The following GPR107 variants were observed in gnomAD, a reference collection of about 807,000 sequenced individuals.
The protein encoded by GPR107 is G protein-coupled receptor 107.
Under a neutral mutation model 75.5 loss-of-function variants are expected in GPR107, and 31 were observed. The ratio of observed to expected loss-of-function variants is 0.41; its 90% confidence interval spans 0.31 to 0.55. The LOEUF is 0.55. Among genes scored for constraint, GPR107 ranks in the 20% least tolerant of loss-of-function variants. The probability of loss-of-function intolerance (pLI) is 0.26; values close to 1 mark genes in which losing one functional copy is unlikely to be tolerated. For synonymous variants in GPR107, 267 were observed against 251.3 expected, an observed-to-expected ratio of 1.06 and a Z score of -0.59; for missense variants, 572 against 665.7, an observed-to-expected ratio of 0.86 and a Z score of 1.55.
chr9:130,072,053 C>T (rs955830725), intron 1 of GPR107, among the ~76,000 whole-genome samples: 2 of 151,874 alleles, frequency 1.3e-5, no homozygotes, highest in East Asian at 3.9e-4. Flanking sequence ...CTCCCTGCAG[C>T]CTCTGCCTCC....
In GPR107 at chr9:130,135,373, G is replaced by C. The variant is rs1223692977; in HGVS notation, c.*252G>C. The stretch of plus-strand genomic sequence containing the variant: ...GAGGGCGGGCACAGGGAGGAGGAGA[G>C]GAAGAGAAAAGGAAGAATTCATTTT... On this transcript the variant is annotated 3_prime_UTR_variant, in exon 18 of 18. Transcript: ENST00000347136. 7.0e-6 allele frequency: 3 copies of C among 427,412 alleles called. No individual in the cohort carries two copies. Among genetic ancestry groups the C allele is most frequent in the African/African-American group, 2.1e-5 (1 of 48,530 alleles). The allele number at this position is 427,412 out of a possible 1,614,324, so 26.5% of individuals were successfully genotyped here.
Position 130,075,806 on chromosome 9 carries a change from G to A in GPR107, c.255+57G>A, listed in dbSNP as rs542050903. 9.6e-5 allele frequency: 73 copies of A among 760,086 alleles called. No homozygotes were observed. The South Asian group carries it at 1.1e-3, about 11-fold the overall frequency. 47.1% of individuals were successfully genotyped at this position (760,086 alleles called of 1,614,324 possible). On this transcript the variant is annotated intron_variant, in intron 2 of 17. Transcript: ENST00000347136. ...ACTCTTTTTTTTTTTTTTTTGAGATGGAGTCTTGCTCTGTCACCCAGGCTG... is the reference window on the plus strand; with the variant it reads ...ACTCTTTTTTTTTTTTTTTTGAGATAGAGTCTTGCTCTGTCACCCAGGCTG...
intron 1 of GPR107, among the ~76,000 whole-genome samples, chr9:130,072,850 G>A (rs1012094819): frequency 1.3e-5 from 2 of 152,078 alleles, no homozygotes; most frequent in African/African-American, 2.4e-5. Context: ...CTGCTGCAAA[G>A]CAGCTTCATG....
chr9:130,131,254 C>T (rs1831820711), intron 17 of GPR107, among the ~76,000 whole-genome samples: 1 of 152,152 alleles, frequency 6.6e-6, no homozygotes, highest in South Asian at 2.1e-4. Context: ...AGGACCGTTG[C>T]GGGCGCCCTG....
intron 15 of GPR107, among the ~76,000 whole-genome samples, chr9:130,127,158 C>A (rs1429157643): frequency 1.3e-5 from 2 of 152,116 alleles, no homozygotes; most frequent in African/African-American, 4.8e-5. Flanking sequence ...GAAATAAAAT[C>A]TTTGGAGATT....
chr9:130,106,917 T>C, intron 13 of GPR107, among the ~76,000 whole-genome samples: 1 of 152,152 alleles, frequency 6.6e-6, no homozygotes, highest in East Asian at 1.9e-4. Flanking sequence ...ACCTCTCACC[T>C]GCGGCTCCTG....
rs1459176016 is a variant in GPR107 at position 130,079,808 on chromosome 9, A to G, written c.526+39A>G. On this transcript the variant is annotated intron_variant, in intron 5 of 17. Coordinates refer to ENST00000347136, the MANE Select transcript of GPR107 (RefSeq NM_020960.5). ...TGGAAACTGGCTTTCAGTTTTCACT[A>G]CCTGCTTTGTAGCTTTTTTGTTCCT... 2.1e-6 allele frequency: 3 copies of G among 1,426,032 alleles called. No homozygotes were observed. In the African/African-American group the frequency reaches 4.3e-5, roughly 20 times the overall value. The allele number at this position is 1,426,032 out of a possible 1,614,324, so 88.3% of individuals were successfully genotyped here.
chr9:130,099,632 C>T (rs964585603), intron 10 of GPR107, 100 bp downstream of exon 10: 24 of 698,786 alleles, frequency 3.4e-5, no homozygotes, highest in Non-Finnish European at 5.9e-5. Flanking sequence ...TGGTGGGAAA[C>T]AAAGACAAAG....
chr9:130,101,456 A>T (rs1182178000), intron 12 of GPR107, among the ~76,000 whole-genome samples: 1 of 152,258 alleles, frequency 6.6e-6, no homozygotes, highest in Non-Finnish European at 1.5e-5. Flanking sequence ...TTTTGAGTAG[A>T]GAGCTGCTGA....
At chr9:130,070,125 T>G (rs1830169783) in intron 1 of GPR107, among the ~76,000 whole-genome samples, 1 of 149,446 alleles carries the variant, frequency 6.7e-6, no homozygotes, top group South Asian at 2.1e-4. Flanking sequence ...GCCTCTTGAG[T>G]AGCTGGGACC....
At chr9:130,131,874 T>C (rs1175579139) in intron 17 of GPR107, among the ~76,000 whole-genome samples, 2 of 152,058 alleles carry the variant, frequency 1.3e-5, no homozygotes, top group Non-Finnish European at 2.9e-5. Flanking sequence ...CCTCTCCCCT[T>C]CCTGTCCATC....
chr9:130,086,107 C>T (rs1044743771), intron 6 of GPR107, among the ~76,000 whole-genome samples: 2 of 151,978 alleles, frequency 1.3e-5, no homozygotes, highest in Non-Finnish European at 2.9e-5. Flanking sequence ...CAGGGCATGG[C>T]CTGGGTCAGC....
rs779563346 is a variant in GPR107, at chr9:130,124,940, A to G, written c.1332A>G (p.Lys444=). 5.8e-6 allele frequency: 9 copies of G among 1,544,978 alleles called. No homozygotes were observed. Among genetic ancestry groups the G allele is most frequent in the East Asian group, 4.5e-5 (2 of 44,422 alleles). ...CTGCTATTAACTTAGCAAAGCTGAAACTTTTCAGACATTATTACGTCTTGG... is the reference window on the plus strand; with the variant it reads ...CTGCTATTAACTTAGCAAAGCTGAAGCTTTTCAGACATTATTACGTCTTGG... ...GKAAINLAKL[K]LFRHYYVLIV... The change falls in exon 15 of 18, where the codon AAA becomes AAG. Residue 444 remains lysine (K), a synonymous_variant. Coordinates refer to ENST00000347136, the MANE Select transcript of GPR107 (RefSeq NM_020960.5).
chr9:130,087,757 G>A (rs578132116), intron 7 of GPR107, among the ~76,000 whole-genome samples: 17 of 138,094 alleles, frequency 1.2e-4, no homozygotes, highest in African/African-American at 4.4e-4. Context: ...AGTGAACCTC[G>A]ATCATGCCAC....
chr9:130,137,038 CA>C lies in GPR107; in HGVS notation c.*1918del, dbSNP rs1741947958. ...TGCAGAAACATAATACCAGTTTTCGCAGAAATGTGTCTCAATCTGTGACTAC... is the reference window on the plus strand; with the variant it reads ...TGCAGAAACATAATACCAGTTTTCGCGAAATGTGTCTCAATCTGTGACTAC... On this transcript the variant is annotated 3_prime_UTR_variant, in exon 18 of 18. Transcript: ENST00000347136. The C allele has an allele frequency of 1.3e-5, 2 of 152,192 alleles. No homozygotes were observed. Among genetic ancestry groups the C allele is most frequent in the Admixed American group, 6.6e-5 (1 of 15,266 alleles). The allele number at this position is 152,192 out of a possible 1,614,324, so 9.4% of individuals were successfully genotyped here. A position where few individuals can be genotyped will look rare whatever the true frequency, so the allele number is the denominator to read the frequency against.
intron 7 of GPR107, 72 bp from the exon 8 acceptor site, chr9:130,090,804 G>GA (rs1008591774): frequency 3.4e-6 from 2 of 587,818 alleles, no homozygotes; most frequent in Non-Finnish European, 5.9e-6. Flanking sequence ...TACTTTAAAA[G>GA]AAAAAATAAA....
At chr9:130,074,351 CA>C (rs1045167680) in intron 1 of GPR107, among the ~76,000 whole-genome samples, 1 of 152,166 alleles carries the variant, frequency 6.6e-6, no homozygotes, top group African/African-American at 2.4e-5. Context: ...CCGGGATGTC[CA>C]GGAAACCCCA....
chr9:130,114,026 ATTCTTTTTT>A (rs1012035214), intron 14 of GPR107, among the ~76,000 whole-genome samples: 4 of 75,406 alleles, frequency 5.3e-5, no homozygotes, highest in Non-Finnish European at 1.2e-4. Flanking sequence ...TGGTCTTCTC[ATTCTTTTTT>A]TTTTTTTTTT....
At chr9:130,054,102 G>A (rs1450252996) in intron 1 of GPR107, 29 bp downstream of exon 1, 10 of 1,501,484 alleles carry the variant, frequency 6.7e-6, no homozygotes, top group South Asian at 3.7e-5. Context: ...GGGCCGGGGG[G>A]CGGAGGCCGA....
Sources: allele counts gnomAD v4.1 joint callset (sites outside exome capture counted in the v4.1 genomes callset), GRCh38; gene constraint gnomAD v4.1.1; transcripts MANE v1.5; gene names NCBI Gene and HGNC (gene_info 2026-07-23, HGNC 2026-07-21).